Variants in CNTN2 observed in about 807,000 individuals in gnomAD.
CNTN2 encodes the protein contactin-2.
In CNTN2, 53 loss-of-function variants were observed where a neutral mutation model predicts 117.5. The observed-to-expected ratio is 0.45, with a 90% CI of 0.36 to 0.57. The LOEUF (loss-of-function observed/expected upper bound fraction) is 0.57. Ranked by LOEUF, CNTN2 falls within the 20% of genes least tolerant of loss-of-function variation. The pLI is 0.00. For missense variants in CNTN2, 1,106 were observed against 1,404.3 expected, an observed-to-expected ratio of 0.79 and a Z score of 3.39; for synonymous variants, 530 against 561.7, an observed-to-expected ratio of 0.94 and a Z score of 0.80.
intron 2 of CNTN2, among the ~76,000 whole-genome samples, chr1:205,056,758 G>C (rs1653654872): frequency 6.6e-6 from 1 of 152,154 alleles, no homozygotes; most frequent in African/African-American, 2.4e-5. Flanking sequence ...AGTCAGCAGA[G>C]AGCCCACCCC....
Position 205,067,117 on chromosome 1 carries a change from G to C in CNTN2, c.1992G>C (p.Glu664Asp). 6.2e-7 allele frequency: 1 copy of C among 1,611,714 alleles called. No individual in the cohort carries two copies. Among genetic ancestry groups the C allele is most frequent in the Admixed American group, 1.7e-5 (1 of 59,438 alleles). Residue 664 changes from glutamate to aspartate, a missense_variant, in exon 16 of 23, where the codon GAG (glutamate) becomes GAC (aspartate). Glu to Asp is a conservative substitution (Grantham distance 45, BLOSUM62 2). Coordinates refer to ENST00000331830, the MANE Select transcript of CNTN2 (RefSeq NM_005076.5). The part of the protein sequence containing the change: ...KQVRTNPANI[E>D]GNAETAQVLG... Reference sequence around the variant, plus strand: ...GCCTTGCAGATCCTGCAAACATCGAGGGCAATGCCGAGACTGCACAGGTGC... The same window carrying C: ...GCCTTGCAGATCCTGCAAACATCGACGGCAATGCCGAGACTGCACAGGTGC...
At position 205,064,373 on chromosome 1, in the gene CNTN2, C is replaced by T. The variant is rs2151194175; in HGVS notation, c.1292C>T (p.Ala431Val). 3.1e-6 allele frequency: 5 copies of T among 1,607,726 alleles called. No individual in the cohort carries two copies. The highest frequency in any genetic ancestry group is 4.3e-6 in the Non-Finnish European group (5 of 1,174,860). ...LNPVRRLIPA[A>V]RGGEILIPCQ... ...CCCGTGAGGCGTCTGATCCCCGCGG[C>T]CCGCGGGGGAGAGATCCTTATCCCC... Residue 431 changes from alanine to valine, a missense_variant, in exon 11 of 23, where the codon GCC (alanine) becomes GTC (valine). By Grantham distance (64) the Ala-to-Val change is moderately conservative. Transcript: ENST00000331830.
rs2151201098 is a variant in CNTN2, at chr1:205,073,526, ACCACCCAGCCGTCCGCTCCCAGG to A, written c.3014-127_3014-105del. 1.4e-5 allele frequency: 12 copies of A among 843,378 alleles called. No homozygotes were observed. The highest frequency in any genetic ancestry group is 2.3e-5 in the Non-Finnish European group (12 of 532,862). 52.2% of individuals were successfully genotyped at this position (843,378 alleles called of 1,614,324 possible). ...GCACCGTAGGAGTCGGACTGAGAAGACCACCCAGCCGTCCGCTCCCAGGCCTGCAGCTGGCCCTGTGAGTCTCC... is the reference window on the plus strand; with the variant it reads ...GCACCGTAGGAGTCGGACTGAGAAGACCTGCAGCTGGCCCTGTGAGTCTCC... On this transcript the variant is annotated intron_variant, in intron 22 of 22. Coordinates refer to ENST00000331830, the MANE Select transcript of CNTN2 (RefSeq NM_005076.5). The surrounding 1 kb of genome is among the most constrained non-coding windows in gnomAD (Gnocchi z 6.3).
At position 205,048,047 on chromosome 1, in the gene CNTN2, G is replaced by A. The variant is rs1301361033; in HGVS notation, c.-87+4653G>A. Among the ~76,000 whole-genome samples, 1 of 152,180 alleles carries A rather than the reference G, an allele frequency of 6.6e-6. No individual in the cohort carries two copies. The highest frequency in any genetic ancestry group is 2.4e-5 in the African/African-American group (1 of 41,432). ...CCAGTGTGCTGTTTTATAGGATAGAGGTCAAGCGGGGGCCTGAAGGGCTCC... is the reference window on the plus strand; with the variant it reads ...CCAGTGTGCTGTTTTATAGGATAGAAGTCAAGCGGGGGCCTGAAGGGCTCC... On this transcript the variant is annotated intron_variant, in intron 1 of 22. Transcript: ENST00000331830. This position sits in a 1 kb window ranked among gnomAD's most constrained non-coding sequence, Gnocchi z 4.1.
rs1654213151 is a variant in CNTN2, at chr1:205,065,184, C to T, written c.1617C>T (p.Asp539=). The stretch of plus-strand genomic sequence containing the variant: ...ATGCCTCCCACGACCCCACCATGGA[C>T]CTCACCTTCACCTGGACCCTGGACG... ...QCHASHDPTM[D]LTFTWTLDDF... Residue 539 remains aspartate, a synonymous_variant, in exon 13 of 23, where the codon GAC becomes GAT. Transcript: ENST00000331830. The surrounding 1 kb of genome is among the most constrained non-coding windows in gnomAD (Gnocchi z 4.1). 1 of 1,614,072 alleles carries T rather than the reference C, an allele frequency of 6.2e-7. No homozygotes were observed. Among genetic ancestry groups the T allele is most frequent in the Non-Finnish European group, 8.5e-7 (1 of 1,180,034 alleles).
rs776680281 is a variant in CNTN2 at position 205,067,235 on chromosome 1, C to T, written c.2110C>T (p.Arg704Trp). ...GCCTAGTGGGCCCTCCAGCAAAATC[C>T]GGACCAGGGAAGCAGGTGAGAGTCC... ...GEPSGPSSKI[R>W]TREAAPSVAP... is the part of the protein sequence containing the mutation. Residue 704 changes from arginine (R) to tryptophan (W), a missense_variant, in exon 16 of 23, where the codon CGG becomes TGG. By Grantham distance (101) the Arg-to-Trp change is moderately radical (BLOSUM62 -3). Coordinates refer to ENST00000331830, the MANE Select transcript of CNTN2 (RefSeq NM_005076.5). 1.3e-5 allele frequency: 21 copies of T among 1,613,268 alleles called. No individual in the cohort carries two copies. The highest frequency in any genetic ancestry group is 1.2e-4 in the South Asian group (11 of 90,950).
In CNTN2 at chr1:205,073,137, C is replaced by T; in HGVS notation, c.2914C>T (p.Pro972Ser). 6.2e-7 allele frequency: 1 copy of T among 1,614,150 alleles called. No homozygotes were observed. The highest frequency in any genetic ancestry group is 2.2e-5 in the East Asian group (1 of 44,886). ...HLTGKNWIEI[P>S]VPEDIGHALV... is the part of the protein sequence containing the mutation. ...CACCGGCAAGAACTGGATAGAAATC[C>T]CAGTGCCTGAAGACATTGGCCATGC... The change falls in exon 22 of 23, where the codon CCA (proline) becomes TCA (serine). Residue 972 changes from proline to serine, a missense_variant. By Grantham distance (74) the Pro-to-Ser change is moderately conservative. Coordinates refer to ENST00000331830, the MANE Select transcript of CNTN2 (RefSeq NM_005076.5). The surrounding 1 kb of genome is among the most constrained non-coding windows in gnomAD (Gnocchi z 6.3).
chr1:205,055,301 G>A (rs556923035), intron 2 of CNTN2, among the ~76,000 whole-genome samples: 32 of 152,272 alleles, frequency 2.1e-4, no homozygotes, highest in Admixed American at 1.6e-3. Context: ...GGCAGAGAGT[G>A]TGTTTTTGCA....
chr1:205,065,766 C>T lies in CNTN2; in HGVS notation c.1696-23C>T. The T allele has an allele frequency of 6.2e-7, 1 of 1,613,794 alleles. No homozygotes were observed. The highest frequency in any genetic ancestry group is 8.5e-7 in the Non-Finnish European group (1 of 1,179,960). On this transcript the variant is annotated intron_variant, in intron 13 of 22. Coordinates refer to ENST00000331830, the MANE Select transcript of CNTN2 (RefSeq NM_005076.5). This position sits in a 1 kb window ranked among gnomAD's most constrained non-coding sequence, Gnocchi z 4.1. The stretch of plus-strand genomic sequence containing the variant: ...TCAGGGCCGGTGGTCTGACCTGCTG[C>T]CCCTAACTGTCCCCGTGTGCAGAAG...
intron 2 of CNTN2, among the ~76,000 whole-genome samples, chr1:205,056,145 AG>A: frequency 6.6e-6 from 1 of 152,208 alleles, no homozygotes. Context: ...CAGAGGAGAA[AG>A]GTTTCTCGGG....
At chr1:205,064,993 G>A (rs1654200944) in intron 12 of CNTN2, 94 bp from the exon 13 acceptor site, 4 of 1,400,880 alleles carry the variant, frequency 2.9e-6, no homozygotes, top group Non-Finnish European at 3.9e-6. Flanking sequence ...TCTCTTTGCT[G>A]GGCCTTAGGA....
chr1:205,065,923 C>T lies in CNTN2; in HGVS notation c.1816+14C>T. 3 of 1,599,916 alleles carry T rather than the reference C, an allele frequency of 1.9e-6. No individual in the cohort carries two copies. Among genetic ancestry groups the T allele is most frequent in the East Asian group, 2.2e-5 (1 of 44,738 alleles). ...TCCTGGTCCGAGGTGAGGGGTTTCC[C>T]ACCTCTACCCCTACCCCAACTCCCT... On this transcript the variant is annotated intron_variant, in intron 14 of 22. Coordinates refer to ENST00000331830, the MANE Select transcript of CNTN2 (RefSeq NM_005076.5). The surrounding 1 kb of genome is among the most constrained non-coding windows in gnomAD (Gnocchi z 4.1).
chr1:205,051,687 G>A (rs912544823), intron 1 of CNTN2, among the ~76,000 whole-genome samples: 6 of 152,164 alleles, frequency 3.9e-5, no homozygotes, highest in African/African-American at 1.4e-4. Context: ...GGGCCCTGGG[G>A]ACAACTCTCC....
At chr1:205,067,072 TG>T in intron 15 of CNTN2, 28 bp from the exon 16 acceptor site, 1 of 1,582,642 alleles carries the variant, frequency 6.3e-7, no homozygotes, top group Non-Finnish European at 8.6e-7. Flanking sequence ...AAGCGAATGC[TG>T]GAATATGGAC....
chr1:205,055,351 G>A (rs1328372538), intron 2 of CNTN2, among the ~76,000 whole-genome samples: 1 of 152,192 alleles, frequency 6.6e-6, no homozygotes, highest in Non-Finnish European at 1.5e-5. Context: ...GCTCATGTGT[G>A]GGTGGGTGTG....
chr1:205,061,592 G>C lies in CNTN2; in HGVS notation c.973+172G>C. On this transcript the variant is annotated intron_variant, in intron 8 of 22. Transcript: ENST00000331830. This position sits in a 1 kb window ranked among gnomAD's most constrained non-coding sequence, Gnocchi z 4.8. The stretch of plus-strand genomic sequence containing the variant: ...GGGACCAGAGGAGGCTAGTGCTGTG[G>C]TCACCTCAGAGCTTCAGTCAGGGGT... The C allele has an allele frequency of 1.2e-6, 1 of 857,422 alleles. No individual in the cohort carries two copies. Among genetic ancestry groups the C allele is most frequent in the Non-Finnish European group, 1.7e-6 (1 of 577,738 alleles). The allele number at this position is 857,422 out of a possible 1,614,324, so 53.1% of individuals were successfully genotyped here.
rs905541281 is a variant in CNTN2, at chr1:205,072,410, CTGGT to C, written c.2732-71_2732-68del. 38 of 1,257,362 alleles carry C rather than the reference CTGGT, an allele frequency of 3.0e-5. No homozygotes were observed. In the African/African-American group the frequency reaches 5.5e-4, roughly 18 times the overall value. 77.9% of individuals were successfully genotyped at this position (1,257,362 alleles called of 1,614,324 possible). ...CTAGAGGCAAACATCCAGAGAAGGGCTGGTTAAAGGTGAGGGGGTGCGGGGTGCC... is the reference window on the plus strand; with the variant it reads ...CTAGAGGCAAACATCCAGAGAAGGGCTAAAGGTGAGGGGGTGCGGGGTGCC... On this transcript the variant is annotated intron_variant, in intron 20 of 22. Coordinates refer to ENST00000331830, the MANE Select transcript of CNTN2 (RefSeq NM_005076.5).
intron 21 of CNTN2, 134 bp from the exon 22 acceptor site, chr1:205,072,933 TG>T: frequency 1.1e-6 from 1 of 905,024 alleles, no homozygotes; most frequent in Non-Finnish European, 1.7e-6. Flanking sequence ...GCTTTGTCAA[TG>T]GGGAGGAGGG....
intron 19 of CNTN2, 172 bp downstream of exon 19, chr1:205,070,710 T>C (rs894433981): frequency 1.8e-6 from 1 of 547,466 alleles, no homozygotes; most frequent in Non-Finnish European, 3.3e-6. Flanking sequence ...TAAGACCCCA[T>C]GGCAGGCCAG....
Sources: gnomAD v4.1 joint callset for allele counts (sites outside exome capture counted in the v4.1 genomes callset) on GRCh38, gnomAD v4.1.1 for gene constraint, Gnocchi (gnomAD v3.1) non-coding constraint, MANE v1.5 for transcripts, NCBI Gene and HGNC (gene_info 2026-07-23, HGNC 2026-07-21) for gene names.